Variants in RASSF4 observed in about 807,000 individuals in gnomAD.
RASSF4 encodes the protein ras association domain-containing protein 4.
RASSF4 carries 38 observed loss-of-function variants against 41.1 expected under a neutral mutation model. The ratio of observed to expected loss-of-function variants is 0.92; its 90% CI spans 0.71 to 1.21. The LOEUF (loss-of-function observed/expected upper bound fraction) is 1.21, where lower values mean the gene tolerates loss of function less well. Among genes scored for constraint, RASSF4 ranks in the 50% most tolerant of loss-of-function variants. RASSF4 has a pLI of 0.00. For synonymous variants in RASSF4, 179 were observed against 163.4 expected (o/e 1.10, Z -0.73); for missense variants, 414 against 419.4 (o/e 0.99, Z 0.11).
intron 6 of RASSF4, among the ~76,000 whole-genome samples, chr10:44,986,962 A>G (rs1841940828): frequency 6.6e-6 from 1 of 152,248 alleles, no homozygotes; most frequent in South Asian, 2.1e-4. Context: ...ATTTGTGGTT[A>G]GAGATAAGAA....
At chr10:44,977,662 T>C (rs768525833) in intron 3 of RASSF4, 2 of 1,612,962 alleles carry the variant, frequency 1.2e-6, no homozygotes, top group Non-Finnish European at 1.7e-6. Context: ...CAGTCCTCCT[T>C]GGCAGGTCCC....
At chr10:44,968,871 C>G (rs1023036361) in intron 1 of RASSF4, among the ~76,000 whole-genome samples, 4 of 152,142 alleles carry the variant, frequency 2.6e-5, no homozygotes, top group Admixed American at 1.3e-4. Flanking sequence ...CCAGGCTGTG[C>G]CCCCTCCCAA....
At chr10:44,984,360 C>T (rs1021899541) in intron 5 of RASSF4, 18 of 556,754 alleles carry the variant, frequency 3.2e-5, no homozygotes, top group Non-Finnish European at 4.5e-5. Context: ...CTGAGTCCCC[C>T]GCCCTGTGTG....
rs1344581821 is a variant in RASSF4 at position 44,991,791 on chromosome 10, CT to C, written c.808-112del. 12 of 690,750 alleles carry C rather than the reference CT, an allele frequency of 1.7e-5. No individual in the cohort carries two copies. In the African/African-American group the frequency reaches 1.9e-4, roughly 11 times the overall value. The allele number at this position is 690,750 out of a possible 1,614,324, so 42.8% of individuals were successfully genotyped here. ...GGTGGGGTGGGAAAAGCGGCAGCTCCTTCTGTGGATACAAGATGTTGGCTGG... is the reference window on the plus strand; with the variant it reads ...GGTGGGGTGGGAAAAGCGGCAGCTCCTCTGTGGATACAAGATGTTGGCTGG... On this transcript the variant is annotated intron_variant, in intron 9 of 10. Transcript: ENST00000340258.
intron 1 of RASSF4, among the ~76,000 whole-genome samples, chr10:44,963,820 C>T (rs1230616548): frequency 4.6e-5 from 7 of 152,364 alleles, no homozygotes; most frequent in South Asian, 2.1e-4. Context: ...GATGCCTGTA[C>T]GTTTTCCCTT....
rs545810873 is a variant in RASSF4 at position 44,964,572 on chromosome 10, C to T, written c.-39+4706C>T. 4.6e-5 allele frequency among the ~76,000 whole-genome samples: 7 copies of T among 152,302 alleles called. No individual in the cohort carries two copies. The East Asian group carries it at 1.2e-3, about 25-fold the overall frequency. ...ACTCCTGCTGCCACCCATGCAGCCTCGCTTTAATCCATTTGTGTATTGGGC... is the reference window on the plus strand; with the variant it reads ...ACTCCTGCTGCCACCCATGCAGCCTTGCTTTAATCCATTTGTGTATTGGGC... On this transcript the variant is annotated intron_variant, in intron 1 of 10. Coordinates refer to ENST00000340258, the MANE Select transcript of RASSF4 (RefSeq NM_032023.4).
intron 4 of RASSF4, 72 bp downstream of exon 4, chr10:44,982,735 G>A (rs1841768898): frequency 6.5e-7 from 1 of 1,527,566 alleles, no homozygotes; most frequent in African/African-American, 1.4e-5. Context: ...CGAGCCTCAG[G>A]GTGGGAGCCC....
intron 8 of RASSF4, 86 bp from the exon 9 acceptor site, chr10:44,990,862 C>G: frequency 7.0e-7 from 1 of 1,436,096 alleles, no homozygotes; most frequent in Non-Finnish European, 9.6e-7. Context: ...CGCCCCTAGA[C>G]GCACATTTTC....
intron 3 of RASSF4, among the ~76,000 whole-genome samples, chr10:44,974,265 A>G (rs1320222162): frequency 3.3e-5 from 5 of 152,260 alleles, no homozygotes; most frequent in Non-Finnish European, 7.3e-5. Context: ...AGAGGAACAG[A>G]CACTTCCCCA....
Position 44,984,900 on chromosome 10 carries a change from G to A in RASSF4, c.461G>A (p.Arg154His), listed in dbSNP as rs201157111. Residue 154 changes from arginine (R) to histidine (H), a missense_variant, in exon 6 of 11, where the codon CGC (arginine) becomes CAC (histidine). Arg to His is a conservative substitution (Grantham distance 29, BLOSUM62 0). Coordinates refer to ENST00000340258, the MANE Select transcript of RASSF4 (RefSeq NM_032023.4). ...ATGAGCCAGAGGAGGCCCAAGTGCC[G>A]CGCCCCCGGTGAGGCCCAGCGCATC... ...SCMSQRRPKC[R>H]APGEAQRIRR... 1.9e-5 allele frequency: 30 copies of A among 1,613,382 alleles called. No individual in the cohort carries two copies. Among genetic ancestry groups the A allele is most frequent in the East Asian group, 6.7e-5 (3 of 44,894 alleles).
intron 1 of RASSF4, among the ~76,000 whole-genome samples, chr10:44,960,074 A>T (rs2132755121): frequency 6.6e-6 from 1 of 152,320 alleles, no homozygotes; most frequent in Admixed American, 6.5e-5. Flanking sequence ...CTGTTAAGCA[A>T]TTTAGGGGCT....
At chr10:44,978,094 T>C (rs764355703) in intron 3 of RASSF4, 1 of 1,553,980 alleles carries the variant, frequency 6.4e-7, no homozygotes, top group Non-Finnish European at 8.7e-7. Context: ...GGGCCTGCCA[T>C]GCGTCCCACC....
In RASSF4 at chr10:44,971,839, A is replaced by G. The variant is rs200237953; in HGVS notation, c.129A>G (p.Arg43=). 200 of 1,611,208 alleles carry G rather than the reference A, an allele frequency of 1.2e-4. No homozygotes were observed. The East Asian group carries it at 4.4e-3, about 35-fold the overall frequency. The change falls in exon 3 of 11, where the codon AGA becomes AGG. Residue 43 remains arginine, a synonymous_variant. Transcript: ENST00000340258. ...ATGAGGGCAAGAGCTTCCAGCTGAG[A>G]CACCGTGAGGTGAGCCTGTTGCTCT... is the stretch of plus-strand genomic sequence containing the variant. ...CYHEGKSFQL[R]HREEEGTLII...
chr10:44,966,359 G>A (rs147199696), intron 1 of RASSF4, among the ~76,000 whole-genome samples: 173 of 152,288 alleles, frequency 1.1e-3, no homozygotes, highest in South Asian at 1.9e-3. Flanking sequence ...ATGCCGTGTC[G>A]TGAATCAGAA....
chr10:44,966,952 G>A (rs1179332317), intron 1 of RASSF4, among the ~76,000 whole-genome samples: 4 of 152,158 alleles, frequency 2.6e-5, no homozygotes, highest in African/African-American at 7.2e-5. Context: ...ACCACTAGGT[G>A]TATCTGTCTT....
rs1180725971 is a variant in RASSF4, at chr10:44,993,756, A to G, written c.*427A>G. The G allele has an allele frequency of 6.0e-6, 1 of 167,384 alleles. No individual in the cohort carries two copies. Among genetic ancestry groups the G allele is most frequent in the Non-Finnish European group, 1.3e-5 (1 of 76,662 alleles). 10.4% of individuals were successfully genotyped at this position (167,384 alleles called of 1,614,324 possible). A position where few individuals can be genotyped will look rare whatever the true frequency, so the allele number is the denominator to read the frequency against. On this transcript the variant is annotated 3_prime_UTR_variant, in exon 11 of 11. Coordinates refer to ENST00000340258, the MANE Select transcript of RASSF4 (RefSeq NM_032023.4). Reference sequence around the variant, plus strand: ...CCTCATATCACGCTGCCCCACAGGAATGCTGCTGGGAAAAGCAGGGCCTGC... The same window carrying G: ...CCTCATATCACGCTGCCCCACAGGAGTGCTGCTGGGAAAAGCAGGGCCTGC...
At chr10:44,992,186 G>A (rs767056657) in intron 10 of RASSF4, among the ~76,000 whole-genome samples, 184 bp downstream of exon 10, 18 of 152,188 alleles carry the variant, frequency 1.2e-4, no homozygotes, top group South Asian at 2.1e-4. Context: ...TTGCCACCAC[G>A]CTGGGGTGAC....
In RASSF4 at chr10:44,991,029, T is replaced by A; in HGVS notation, c.767T>A (p.Phe256Tyr). ...HGPCEKIARI[F>Y]LMEADLGVEV... ...CCATGTGAGAAGATCGCCAGGATCTTCCTGATGGAAGCTGACTTGGGCGTG... is the reference window on the plus strand; with the variant it reads ...CCATGTGAGAAGATCGCCAGGATCTACCTGATGGAAGCTGACTTGGGCGTG... The change falls in exon 9 of 11, where the codon TTC becomes TAC. Residue 256 changes from phenylalanine (F) to tyrosine (Y), a missense_variant. Transcript: ENST00000340258. 2 of 1,613,892 alleles carry A rather than the reference T, an allele frequency of 1.2e-6. No homozygotes were observed. Among genetic ancestry groups the A allele is most frequent in the Non-Finnish European group, 1.7e-6 (2 of 1,179,828 alleles).
chr10:44,967,937 G>A (rs528352668), intron 1 of RASSF4, among the ~76,000 whole-genome samples: 12 of 152,276 alleles, frequency 7.9e-5, no homozygotes, highest in African/African-American at 2.9e-4. Flanking sequence ...AACATCAGAA[G>A]ACAGGAGTAG....
Sources: gnomAD v4.1 joint callset for allele counts (sites outside exome capture counted in the v4.1 genomes callset) on GRCh38, gnomAD v4.1.1 for gene constraint, MANE v1.5 for transcripts, NCBI Gene and HGNC (gene_info 2026-07-23, HGNC 2026-07-21) for gene names.